The following MEGF6 variants were observed in gnomAD, a reference collection of about 807,000 sequenced individuals.
MEGF6 encodes multiple epidermal growth factor-like domains protein 6.
Under a neutral mutation model 207.1 loss-of-function variants are expected in MEGF6, and 184 were observed. That is an observed-to-expected ratio of 0.89 (90% CI 0.79 to 1.00). MEGF6 has a LOEUF of 1.00. Among genes scored for constraint, MEGF6 ranks in the 50% least tolerant of loss-of-function variants. The probability of loss-of-function intolerance (pLI) is 0.00; values close to 1 mark genes in which losing one functional copy is unlikely to be tolerated. For missense variants in MEGF6, 2,282 were observed against 2,202.9 expected (o/e 1.04, Z -0.72); for synonymous variants, 1,038 against 910.0 (o/e 1.14, Z -2.53).
intron 4 of MEGF6, among the ~76,000 whole-genome samples, chr1:3,563,855 G>A (rs964790060): frequency 1.3e-5 from 2 of 152,198 alleles, no homozygotes; most frequent in African/African-American, 2.4e-5. Context: ...GCGCGTCTGG[G>A]GAGGGAAGTC....
chr1:3,512,452 T>G (rs1332935781), intron 7 of MEGF6, among the ~76,000 whole-genome samples: 2 of 152,198 alleles, frequency 1.3e-5, no homozygotes, highest in Non-Finnish European at 2.9e-5. Flanking sequence ...GGGGGCCTGA[T>G]GATATGGTCT....
intron 4 of MEGF6, chr1:3,531,216 G>C: frequency 6.7e-7 from 1 of 1,492,100 alleles, no homozygotes; most frequent in South Asian, 1.3e-5. Context: ...ACCAGAGCGC[G>C]GCCAGCCCGC....
rs149136586 is a variant in MEGF6, at chr1:3,520,057, C to T, written c.604+4067G>A. 4.2e-3 allele frequency among the ~76,000 whole-genome samples: 646 copies of T among 152,324 alleles called. 2 individuals carry two copies. Among genetic ancestry groups the T allele is most frequent in the African/African-American group, 0.014 (582 of 41,586 alleles). On this transcript the variant is annotated intron_variant, in intron 5 of 36. Coordinates refer to ENST00000356575, the MANE Select transcript of MEGF6 (RefSeq NM_001409.4). Reference sequence around the variant, plus strand: ...TCCCAAAGGCCTGATGGGCATGGGCCGAGAAGGGGAGAAGGACAGCGGGCC... The same window carrying T: ...TCCCAAAGGCCTGATGGGCATGGGCTGAGAAGGGGAGAAGGACAGCGGGCC...
At chr1:3,577,030 CCCCTGCACACCTGG>C (rs1416044965) in intron 4 of MEGF6, among the ~76,000 whole-genome samples, 2 of 150,478 alleles carry the variant, frequency 1.3e-5, no homozygotes, top group African/African-American at 4.9e-5. Flanking sequence ...GCACACTCCA[CCCCTGCACACCTGG>C]CCCTGCACAC....
intron 4 of MEGF6, among the ~76,000 whole-genome samples, 163 bp downstream of exon 4, chr1:3,579,662 G>A (rs1254936055): frequency 1.3e-5 from 2 of 152,272 alleles, no homozygotes; most frequent in East Asian, 3.8e-4. Context: ...GGGGCTGCAG[G>A]GAACTGGTGG....
At position 3,560,300 on chromosome 1, in the gene MEGF6, T is replaced by C. The variant is rs1643160684; in HGVS notation, c.481+19525A>G. ...CTTGGTACAGCGGACGAGCCCACGT[T>C]GACACATTGTTGTTAACTGAGTCCA... On this transcript the variant is annotated intron_variant, in intron 4 of 36. Coordinates refer to ENST00000356575, the MANE Select transcript of MEGF6 (RefSeq NM_001409.4). This position sits in a 1 kb window ranked among gnomAD's most constrained non-coding sequence, Gnocchi z 4.0. Among the ~76,000 whole-genome samples the C allele has an allele frequency of 6.6e-6, 1 of 152,226 alleles. No individual in the cohort carries two copies. Among genetic ancestry groups the C allele is most frequent in the Non-Finnish European group, 1.5e-5 (1 of 68,028 alleles).
rs181448714 is a variant in MEGF6, at chr1:3,514,754, G to A, written c.731-82C>T. 3,316 of 1,420,850 alleles carry A rather than the reference G, an allele frequency of 2.3e-3. 8 individuals carry two copies. Among genetic ancestry groups the A allele is most frequent in the Middle Eastern group, 4.6e-3 (18 of 3,904 alleles). 88.0% of individuals were successfully genotyped at this position (1,420,850 alleles called of 1,614,324 possible). On this transcript the variant is annotated intron_variant, in intron 6 of 36. Coordinates refer to ENST00000356575, the MANE Select transcript of MEGF6 (RefSeq NM_001409.4). ...GCGCCTGCCCCCAGGCTTCTTGTGA[G>A]ACCCCTCACCCAGTGCTCTCCCCAC... is the stretch of plus-strand genomic sequence containing the variant.
rs1192360730 is a variant in MEGF6 at position 3,497,252 on chromosome 1, A to C, written c.3462T>G (p.Thr1154=). The C allele has an allele frequency of 6.7e-7, 1 of 1,491,386 alleles. No individual in the cohort carries two copies. The highest frequency in any genetic ancestry group is 1.4e-5 in the African/African-American group (1 of 69,284). 92.4% of individuals were successfully genotyped at this position (1,491,386 alleles called of 1,614,324 possible). The part of the protein sequence containing the change: ...TGACRCPPGF[T]GSGCEQACPP... ...ACCTACCCTGCTCGCAGCCGGAGCC[A>C]GTGAAGCCAGGGGGACAGCGGCAGG... is the stretch of plus-strand genomic sequence containing the variant. The change falls in exon 27 of 37, where the codon ACT becomes ACG. Residue 1154 remains threonine, a synonymous_variant. Transcript: ENST00000356575.
chr1:3,491,436 G>A (rs1306486213), intron 35 of MEGF6, among the ~76,000 whole-genome samples: 1 of 152,066 alleles, frequency 6.6e-6, no homozygotes, highest in Non-Finnish European at 1.5e-5. Flanking sequence ...CTGCACCAGC[G>A]CACAGGCTGC....
At position 3,498,426 on chromosome 1, in the gene MEGF6, C is replaced by A. The variant is rs1010430493; in HGVS notation, c.3297G>T (p.Pro1099=). ...GGCLNGGLCD[P]HTGRCLCPAG... ...CTGGGCAGAGGCAGCGGCCCGTGTGCGGGTCACACAGGCCCCCGTTGAGGC... is the reference window on the plus strand; with the variant it reads ...CTGGGCAGAGGCAGCGGCCCGTGTGAGGGTCACACAGGCCCCCGTTGAGGC... The change falls in exon 26 of 37, where the codon CCG becomes CCT. Residue 1099 remains proline (P), a synonymous_variant. Coordinates refer to ENST00000356575, the MANE Select transcript of MEGF6 (RefSeq NM_001409.4). 2 of 1,586,288 alleles carry A rather than the reference C, an allele frequency of 1.3e-6. No homozygotes were observed. Among genetic ancestry groups the A allele is most frequent in the Non-Finnish European group, 1.7e-6 (2 of 1,169,440 alleles).
At chr1:3,610,731 G>A (rs1012646483) in intron 1 of MEGF6, among the ~76,000 whole-genome samples, 6 of 152,210 alleles carry the variant, frequency 3.9e-5, no homozygotes, top group Admixed American at 1.3e-4. Context: ...CCCTGCGAAG[G>A]CCCCCAGACC....
intron 35 of MEGF6, 132 bp downstream of exon 35, chr1:3,492,507 G>A (rs982326075): frequency 4.2e-5 from 53 of 1,257,364 alleles, no homozygotes; most frequent in Non-Finnish European, 4.8e-5. Flanking sequence ...GATGACATTC[G>A]CTATGTCTGA....
chr1:3,546,303 G>A (rs920592449), intron 4 of MEGF6, among the ~76,000 whole-genome samples: 6 of 152,206 alleles, frequency 3.9e-5, no homozygotes, highest in African/African-American at 1.4e-4. Flanking sequence ...TGAGCTACAG[G>A]GTCTGCTTAG....
intron 4 of MEGF6, among the ~76,000 whole-genome samples, chr1:3,534,406 C>T (rs376389692): frequency 6.6e-6 from 1 of 152,178 alleles, no homozygotes; most frequent in Non-Finnish European, 1.5e-5. Context: ...GTATGGCTTG[C>T]GTGTGTGGCT....
upstream of MEGF6, among the ~76,000 whole-genome samples, chr1:3,615,164 C>T (rs1345568229): frequency 1.3e-5 from 2 of 152,218 alleles, no homozygotes; most frequent in African/African-American, 2.4e-5. Context: ...CATTGGACTT[C>T]TCATTGCAAT....
intron 4 of MEGF6, among the ~76,000 whole-genome samples, chr1:3,525,535 G>A (rs1454876723): frequency 6.6e-6 from 1 of 152,238 alleles, no homozygotes; most frequent in Non-Finnish European, 1.5e-5. Flanking sequence ...AAGAGAGCAG[G>A]GAGGGATCCA....
rs1475399847 is a variant in MEGF6, at chr1:3,497,323, G to A, written c.3391C>T (p.Arg1131Cys). 9.7e-6 allele frequency: 15 copies of A among 1,553,342 alleles called. No individual in the cohort carries two copies. Among genetic ancestry groups the A allele is most frequent in the African/African-American group, 6.9e-5 (5 of 72,356 alleles). ...RGWFGEACAQ[R>C]CSCPPGAACH... is the part of the protein sequence containing the mutation. Reference sequence around the variant, plus strand: ...GCAGCGCCAGGCGGGCAGCTGCAGCGCTGGGCACAGGCCTCTCCAAACCAG... The same window carrying A: ...GCAGCGCCAGGCGGGCAGCTGCAGCACTGGGCACAGGCCTCTCCAAACCAG... The change falls in exon 27 of 37, where the codon CGC (arginine) becomes TGC (cysteine). Residue 1131 changes from arginine (R) to cysteine (C), a missense_variant. Arg to Cys is a radical substitution (Grantham distance 180). Transcript: ENST00000356575.
At position 3,492,644 on chromosome 1, in the gene MEGF6, C is replaced by T. The variant is rs368026837; in HGVS notation, c.4511G>A (p.Arg1504Gln). 140 of 1,609,840 alleles carry T rather than the reference C, an allele frequency of 8.7e-5. No homozygotes were observed. In the East Asian group the frequency reaches 1.8e-3, roughly 21 times the overall value. Reference protein sequence around the residue: ...CVDGYMGPTCREGGPLRLPEN... With the variant: ...CVDGYMGPTCQEGGPLRLPEN... ...CCCCAGGAAGCCCAGCTCACCTTCC[C>T]GGCACGTGGGCCCCATGTAGCCATC... Residue 1504 changes from arginine (R) to glutamine (Q), a missense_variant, in exon 35 of 37, where the codon CGG becomes CAG. Physicochemically the swap from Arg to Gln is conservative, Grantham distance 43. Transcript: ENST00000356575.
At chr1:3,622,586 C>T in the MEGF6 span, among the ~76,000 whole-genome samples, 32 of 152,258 alleles carry the variant, frequency 2.1e-4, no homozygotes, top group South Asian at 6.6e-3. Context: ...AGGGATGTTG[C>T]AGAAGAGACC....
Sources: gnomAD v4.1 joint callset for allele counts (sites outside exome capture counted in the v4.1 genomes callset) on GRCh38, gnomAD v4.1.1 for gene constraint, Gnocchi (gnomAD v3.1) non-coding constraint, MANE v1.5 for transcripts, NCBI Gene and HGNC (gene_info 2026-07-23, HGNC 2026-07-21) for gene names.